The following NCAM2 variants were observed in gnomAD, a reference collection of about 807,000 sequenced individuals.
The protein encoded by NCAM2 is N-CAM-2.
NCAM2 carries 30 observed loss-of-function variants against 98.1 expected under a neutral mutation model. The ratio of observed to expected loss-of-function variants is 0.31; its 90% CI spans 0.23 to 0.41. The LOEUF is 0.41. Among genes scored for constraint, NCAM2 ranks in the 10% least tolerant of loss-of-function variants. NCAM2 has a pLI of 1.00. For missense variants in NCAM2, 867 were observed against 1,005.8 expected, an observed-to-expected ratio of 0.86 and a Z score of 1.87; for synonymous variants, 368 against 342.4, an observed-to-expected ratio of 1.07 and a Z score of -0.83.
intron 17 of NCAM2, among the ~76,000 whole-genome samples, chr21:21,537,305 C>A (rs1990036385): frequency 6.6e-6 from 1 of 152,052 alleles, no homozygotes; most frequent in African/African-American, 2.4e-5. Flanking sequence ...CCTCAGCATC[C>A]CAAAGTGCTA....
chr21:21,374,909 A>G (rs945232497), intron 9 of NCAM2, among the ~76,000 whole-genome samples: 4 of 151,822 alleles, frequency 2.6e-5, no homozygotes, highest in African/African-American at 9.7e-5. Flanking sequence ...TTTCTCAAGA[A>G]TAGACATAAG....
At chr21:21,388,494 A>C (rs1009783961) in intron 9 of NCAM2, among the ~76,000 whole-genome samples, 1 of 152,174 alleles carries the variant, frequency 6.6e-6, no homozygotes, top group Non-Finnish European at 1.5e-5. Context: ...CTGAATAAGC[A>C]AGGGTCAGAG....
At chr21:21,354,476 G>A (rs182253499) in intron 8 of NCAM2, among the ~76,000 whole-genome samples, 3 of 152,218 alleles carry the variant, frequency 2.0e-5, no homozygotes, top group Admixed American at 1.3e-4. Context: ...ACATATGCCA[G>A]TTATATTTTT....
chr21:21,514,830 T>G (rs1446086646), intron 16 of NCAM2, among the ~76,000 whole-genome samples: 1 of 152,176 alleles, frequency 6.6e-6, no homozygotes. Context: ...GTTTCTGTTC[T>G]TCTTATTCTA....
chr21:21,417,725 A>G (rs1450104235), intron 10 of NCAM2, among the ~76,000 whole-genome samples: 4 of 152,076 alleles, frequency 2.6e-5, no homozygotes, highest in Non-Finnish European at 2.9e-5. Context: ...TCAAATGTTT[A>G]AGGATAGAGG....
intron 1 of NCAM2, among the ~76,000 whole-genome samples, chr21:21,273,779 G>T (rs1466768581): frequency 1.3e-5 from 2 of 151,962 alleles, no homozygotes; most frequent in East Asian, 3.9e-4. Flanking sequence ...TTTCTCTTTT[G>T]GTTTTAAATT....
chr21:21,503,565 A>C (rs1987772787), intron 15 of NCAM2, among the ~76,000 whole-genome samples: 1 of 151,946 alleles, frequency 6.6e-6, no homozygotes, highest in Non-Finnish European at 1.5e-5. Flanking sequence ...TTTCCATTTG[A>C]TATTTTTGGA....
rs1984042244 is a variant in NCAM2 at position 21,468,692 on chromosome 21, A to T, written c.1805A>T (p.Gln602Leu). 6.2e-7 allele frequency: 1 copy of T among 1,611,968 alleles called. No individual in the cohort carries two copies. The highest frequency in any genetic ancestry group is 1.3e-5 in the African/African-American group (1 of 74,792). The change falls in exon 14 of 18, where the codon CAG becomes CTG. Residue 602 changes from glutamine to leucine, a missense_variant. Gln to Leu is a moderately radical substitution (Grantham distance 113, BLOSUM62 -2). Transcript: ENST00000400546. ...CCAAGTCCTCCATCCATACATGGAC[A>T]GCCAAGCAGTGGAAAGAGCTTTAAA... ...REPSPPSIHG[Q>L]PSSGKSFKLS...
chr21:21,271,424 A>G (rs1002008573), intron 1 of NCAM2, among the ~76,000 whole-genome samples: 3 of 152,210 alleles, frequency 2.0e-5, no homozygotes, highest in Non-Finnish European at 2.9e-5. Context: ...CTAAAAACAA[A>G]CAGCCTTTTT....
At chr21:21,479,445 G>A (rs1985577494) in intron 15 of NCAM2, among the ~76,000 whole-genome samples, 3 of 151,486 alleles carry the variant, frequency 2.0e-5, no homozygotes, top group South Asian at 4.2e-4. Context: ...TTAGCCGGGC[G>A]TGGTGGTGGA....
In NCAM2 at chr21:21,150,753, G is replaced by A. The variant is rs549992170; in HGVS notation, c.56-129825G>A. On this transcript the variant is annotated intron_variant, in intron 1 of 17. Transcript: ENST00000400546. Reference sequence around the variant, plus strand: ...GGATTTCTGTGTCTATATTAGTGATGGTATTGTTTTCTGGTAATATATTTT... The same window carrying A: ...GGATTTCTGTGTCTATATTAGTGATAGTATTGTTTTCTGGTAATATATTTT... Among the ~76,000 whole-genome samples, 71 of 151,680 alleles carry A rather than the reference G, an allele frequency of 4.7e-4. 1 individual carries two copies. The highest frequency in any genetic ancestry group is 4.1e-4 in the Non-Finnish European group (28 of 67,832).
intron 1 of NCAM2, among the ~76,000 whole-genome samples, chr21:21,081,322 A>G (rs766510541): frequency 3.9e-5 from 6 of 152,074 alleles, no homozygotes; most frequent in African/African-American, 1.4e-4. Context: ...TTTTCTATCT[A>G]TTGGGAGAGT....
chr21:21,153,616 G>A (rs1488036337), intron 1 of NCAM2, among the ~76,000 whole-genome samples: 1 of 151,870 alleles, frequency 6.6e-6, no homozygotes, highest in African/African-American at 2.4e-5. Flanking sequence ...TGAGCATTTT[G>A]GAATGGGAGG....
At chr21:21,209,360 T>A (rs2069560027) in intron 1 of NCAM2, among the ~76,000 whole-genome samples, 2 of 152,224 alleles carry the variant, frequency 1.3e-5, no homozygotes, top group African/African-American at 4.8e-5. Context: ...CGACTATAGA[T>A]GTACAACACA....
chr21:21,080,670 AAAAAAAAAAAC>A (rs2065777544), intron 1 of NCAM2, among the ~76,000 whole-genome samples: 1 of 146,348 alleles, frequency 6.8e-6, no homozygotes, highest in African/African-American at 2.6e-5. Flanking sequence ...AAAAAAAAAA[AAAAAAAAAAAC>A]CAACATTGAT....
chr21:21,378,786 A>G (rs2076088005), intron 9 of NCAM2, among the ~76,000 whole-genome samples: 1 of 152,078 alleles, frequency 6.6e-6, no homozygotes, highest in Admixed American at 6.6e-5. Flanking sequence ...GACTACTATG[A>G]CAAAAAACTT....
chr21:21,270,076 C>T (rs1279068701), intron 1 of NCAM2, among the ~76,000 whole-genome samples: 1 of 152,074 alleles, frequency 6.6e-6, no homozygotes, highest in Non-Finnish European at 1.5e-5. Flanking sequence ...AGTGCAAACA[C>T]TCCTGTAATT....
intron 9 of NCAM2, among the ~76,000 whole-genome samples, chr21:21,402,220 C>T (rs570067251): frequency 1.3e-4 from 20 of 152,200 alleles, no homozygotes; most frequent in East Asian, 3.9e-4. Context: ...AGCCTATAAA[C>T]GGACATGCAA....
chr21:21,530,282 AT>A (rs1183735056), intron 16 of NCAM2, among the ~76,000 whole-genome samples: 1 of 132,284 alleles, frequency 7.6e-6, no homozygotes, highest in Non-Finnish European at 1.6e-5. Context: ...ATATAATTTA[AT>A]TTAATTATAT....
Sources: gnomAD v4.1 joint callset for allele counts (sites outside exome capture counted in the v4.1 genomes callset) on GRCh38, gnomAD v4.1.1 for gene constraint, MANE v1.5 for transcripts, NCBI Gene and HGNC (gene_info 2026-07-23, HGNC 2026-07-21) for gene names.